The following LRRK1 variants were observed in gnomAD, a reference collection of about 807,000 sequenced individuals.
LRRK1 encodes the protein leucine-rich repeat serine/threonine-protein kinase 1.
A neutral mutation model predicts 209.1 loss-of-function variants in LRRK1; 113 were observed. The ratio of observed to expected loss-of-function variants is 0.54; its 90% confidence interval spans 0.46 to 0.63. LRRK1 has a LOEUF of 0.63. Among genes scored for constraint, LRRK1 ranks in the 30% least tolerant of loss-of-function variants. LRRK1 has a pLI of 0.00. For synonymous variants in LRRK1, 1,144 were observed against 1,099.7 expected (o/e 1.04, Z -0.80); for missense variants, 2,284 against 2,632.2 (o/e 0.87, Z 2.89).
chr15:101,067,956 T>C (rs1431698349), intron 33 of LRRK1, among the ~76,000 whole-genome samples: 1 of 152,232 alleles, frequency 6.6e-6, no homozygotes, highest in Non-Finnish European at 1.5e-5. Context: ...GGGGAGGTCC[T>C]GGCAAGGCCA....
chr15:101,005,049 C>T (rs753120508), intron 6 of LRRK1, among the ~76,000 whole-genome samples: 17 of 152,196 alleles, frequency 1.1e-4, no homozygotes, highest in African/African-American at 2.9e-4. Context: ...CCATTCCATA[C>T]GGAAAGACCA....
chr15:100,955,584 T>C (rs11247244), intron 2 of LRRK1, among the ~76,000 whole-genome samples: 138,291 of 152,264 alleles, frequency 0.91, 62,969 homozygotes, highest in East Asian at 0.99. Context: ...AGAAAATGCT[T>C]TCAGCTTTTC....
intron 21 of LRRK1, among the ~76,000 whole-genome samples, chr15:101,046,847 G>C (rs554858655): frequency 6.6e-6 from 1 of 152,320 alleles, no homozygotes; most frequent in South Asian, 2.1e-4. Context: ...TTACAGGAAG[G>C]CGTCCCCGCT....
intron 2 of LRRK1, among the ~76,000 whole-genome samples, chr15:100,972,361 A>AGTGTGT (rs1282794235): frequency 1.1e-3 from 92 of 84,024 alleles, no homozygotes; most frequent in African/African-American, 5.0e-3. Context: ...AGAGAGAGAG[A>AGTGTGT]GAGTGTGTGT....
At chr15:101,000,637 T>C (rs1032354591) in intron 6 of LRRK1, among the ~76,000 whole-genome samples, 1 of 152,164 alleles carries the variant, frequency 6.6e-6, no homozygotes, top group Non-Finnish European at 1.5e-5. Context: ...CCCCAACACT[T>C]CTCGGCTTGT....
rs188146442 is a variant in LRRK1, at chr15:100,981,406, A to G, written c.262-2122A>G. ...TGGGCCTCACCCTGGGCAGAGTGGCAGGTGGGTGGGCTTTTCTTTTCTGAT... is the reference window on the plus strand; with the variant it reads ...TGGGCCTCACCCTGGGCAGAGTGGCGGGTGGGTGGGCTTTTCTTTTCTGAT... On this transcript the variant is annotated intron_variant, in intron 3 of 33. Coordinates refer to ENST00000388948, the MANE Select transcript of LRRK1 (RefSeq NM_024652.6). Among the ~76,000 whole-genome samples the G allele has an allele frequency of 1.6e-4, 25 of 152,322 alleles. No homozygotes were observed. In the East Asian group the frequency reaches 3.3e-3, roughly 20 times the overall value.
intron 11 of LRRK1, among the ~76,000 whole-genome samples, chr15:101,015,023 C>A (rs1433503119): frequency 6.6e-6 from 1 of 152,260 alleles, no homozygotes; most frequent in Non-Finnish European, 1.5e-5. Flanking sequence ...GCCCCAAAGC[C>A]TTCCAATAGG....
At chr15:101,062,363 T>C in intron 30 of LRRK1, 1 of 487,048 alleles carries the variant, frequency 2.1e-6, no homozygotes, top group South Asian at 3.1e-5. Flanking sequence ...GACGGGCTAT[T>C]TTCTGTTTCC....
At position 100,969,316 on chromosome 15, in the gene LRRK1, C is replaced by G. The variant is rs150312411; in HGVS notation, c.98-4488C>G. Among the ~76,000 whole-genome samples the G allele has an allele frequency of 5.9e-3, 891 of 152,216 alleles. 6 individuals are homozygous for G. The highest frequency in any genetic ancestry group is 8.6e-3 in the Admixed American group (132 of 15,292). On this transcript the variant is annotated intron_variant, in intron 2 of 33. Coordinates refer to ENST00000388948, the MANE Select transcript of LRRK1 (RefSeq NM_024652.6). ...GCAGAAGTTTTAAATTTTGATGAAG[C>G]CTAATTTAGCAATTTTTCCTTTCCT...
Position 100,925,345 on chromosome 15 carries a change from C to A in LRRK1, c.97+616C>A, listed in dbSNP as rs535006229. On this transcript the variant is annotated intron_variant, in intron 2 of 33. Coordinates refer to ENST00000388948, the MANE Select transcript of LRRK1 (RefSeq NM_024652.6). ...TTTTTTTACGATTTAATAATTGGAT[C>A]AAAAAATGATTCATAAATTGGGCAG... 6.6e-4 allele frequency among the ~76,000 whole-genome samples: 101 copies of A among 152,210 alleles called. 1 individual carries two copies. The highest frequency in any genetic ancestry group is 2.4e-3 in the African/African-American group (101 of 41,522).
chr15:100,922,499 G>A (rs1211637904), intron 1 of LRRK1, among the ~76,000 whole-genome samples: 1 of 152,100 alleles, frequency 6.6e-6, no homozygotes, highest in Non-Finnish European at 1.5e-5. Flanking sequence ...TTTTCAGGAA[G>A]AATGTCTAGC....
chr15:101,014,008 C>T (rs1051791234), intron 10 of LRRK1, among the ~76,000 whole-genome samples: 4 of 152,112 alleles, frequency 2.6e-5, no homozygotes, highest in African/African-American at 4.8e-5. Context: ...AGAGACACAC[C>T]GGTAATCAGT....
At position 101,027,707 on chromosome 15, in the gene LRRK1, G is replaced by A. The variant is rs56003881; in HGVS notation, c.2596G>A (p.Asp866Asn). The change falls in exon 19 of 34, where the codon GAC (aspartate) becomes AAC (asparagine). Residue 866 changes from aspartate (D) to asparagine (N), a missense_variant. By Grantham distance (23) the Asp-to-Asn change is conservative (BLOSUM62 1). Around this residue, in one of 6 missense-constraint regions of LRRK1, gnomAD observed 780 missense variants for 985.2 expected, o/e 0.79. Transcript: ENST00000388948. The surrounding 1 kb of genome is among the most constrained non-coding windows in gnomAD (Gnocchi z 5.1). ...GCAGCAGCGCCGCAGCCGGGACGAC[G>A]ACGTGCAGTACCTGACGGACAGGCA... ...AEQQRRSRDD[D>N]VQYLTDRQLE... is the part of the protein sequence containing the mutation. 3,632 of 1,612,788 alleles carry A rather than the reference G, an allele frequency of 2.3e-3. 8 individuals are homozygous for A. Among genetic ancestry groups the A allele is most frequent in the South Asian group, 2.8e-3 (251 of 90,662 alleles).
chr15:100,989,184 C>A, intron 5 of LRRK1, 66 bp from the exon 6 acceptor site: 1 of 1,373,194 alleles, frequency 7.3e-7, no homozygotes, highest in Non-Finnish European at 1.0e-6. Flanking sequence ...ATATCAGAGT[C>A]TGCCCTTCCA....
chr15:100,969,424 C>G (rs1012180083), intron 2 of LRRK1, among the ~76,000 whole-genome samples: 1 of 152,084 alleles, frequency 6.6e-6, no homozygotes, highest in Non-Finnish European at 1.5e-5. Flanking sequence ...CTATGTTTTC[C>G]TAGAAGCTTC....
Position 101,065,942 on chromosome 15 carries a change from C to G in LRRK1, c.5505C>G (p.Leu1835=), listed in dbSNP as rs184153025. The G allele has an allele frequency of 1.2e-6, 2 of 1,614,178 alleles. No homozygotes were observed. The highest frequency in any genetic ancestry group is 1.1e-5 in the South Asian group (1 of 91,080). Residue 1835 remains leucine (L), a synonymous_variant, in exon 32 of 34, where the codon CTC becomes CTG. Coordinates refer to ENST00000388948, the MANE Select transcript of LRRK1 (RefSeq NM_024652.6). ...GTQILIHQES[L]TDYCSMSSYS... is the part of the protein sequence containing the mutation. ...AGATCCTGATCCACCAGGAATCACTCACTGACTACTGCTCCATGTCCTCCT... is the reference window on the plus strand; with the variant it reads ...AGATCCTGATCCACCAGGAATCACTGACTGACTACTGCTCCATGTCCTCCT...
chr15:101,012,496 G>A (rs976591038), intron 10 of LRRK1, among the ~76,000 whole-genome samples: 11 of 152,146 alleles, frequency 7.2e-5, no homozygotes, highest in African/African-American at 1.2e-4. Context: ...GTACCTTCTC[G>A]CTTTAGGTTG....
intron 3 of LRRK1, among the ~76,000 whole-genome samples, chr15:100,978,605 A>G (rs79027557): frequency 0.064 from 9,717 of 152,286 alleles, 464 homozygotes; most frequent in African/African-American, 0.14. Context: ...TCAAAAAGAT[A>G]ATAAGGGGAC....
intron 20 of LRRK1, among the ~76,000 whole-genome samples, chr15:101,044,776 C>T (rs1045717240): frequency 3.3e-5 from 5 of 152,170 alleles, no homozygotes; most frequent in African/African-American, 4.8e-5. Flanking sequence ...CATGAGAGAC[C>T]CAGGATGCAT....
Sources: allele counts gnomAD v4.1 joint callset (sites outside exome capture counted in the v4.1 genomes callset), GRCh38; gene constraint gnomAD v4.1.1; regional missense constraint gnomAD v4.1.1; non-coding constraint Gnocchi (gnomAD v3.1); transcripts MANE v1.5; gene names NCBI Gene and HGNC (gene_info 2026-07-23, HGNC 2026-07-21).